BTBD1: variants seen among roughly 807,000 people sequenced by gnomAD.
BTBD1 encodes the protein BTB domain containing 1.
A neutral mutation model predicts 48.0 loss-of-function variants in BTBD1; 34 were observed. The ratio of observed to expected loss-of-function variants is 0.71; its 90% CI spans 0.54 to 0.94. The LOEUF (loss-of-function observed/expected upper bound fraction) is 0.94. BTBD1 is among the 40% of genes least tolerant of loss of function. The probability of loss-of-function intolerance (pLI) is 0.00; values close to 1 mark genes in which losing one functional copy is unlikely to be tolerated. For synonymous variants in BTBD1, 261 were observed against 242.1 expected, an observed-to-expected ratio of 1.08 and a Z score of -0.72; for missense variants, 543 against 625.6, an observed-to-expected ratio of 0.87 and a Z score of 1.41.
intron 3 of BTBD1, among the ~76,000 whole-genome samples, chr15:83,046,279 A>C (rs190846413): frequency 6.6e-6 from 1 of 152,344 alleles, no homozygotes; most frequent in East Asian, 1.9e-4. Flanking sequence ...AATGTTTTTT[A>C]ATTAATTACC....
intron 2 of BTBD1, among the ~76,000 whole-genome samples, chr15:83,055,521 T>C (rs2033068271): frequency 6.6e-6 from 1 of 152,214 alleles, no homozygotes; most frequent in Non-Finnish European, 1.5e-5. Context: ...CCTCCCAAAG[T>C]GCTGGGATTA....
intron 1 of BTBD1, among the ~76,000 whole-genome samples, chr15:83,066,219 A>G (rs1245197408): frequency 2.0e-5 from 3 of 152,030 alleles, no homozygotes; most frequent in African/African-American, 7.3e-5. Context: ...GCATCACCTG[A>G]GCCCGGAGAG....
intron 5 of BTBD1, among the ~76,000 whole-genome samples, chr15:83,026,237 C>T (rs1430808170): frequency 1.3e-5 from 2 of 152,028 alleles, no homozygotes; most frequent in African/African-American, 4.8e-5. Flanking sequence ...TTTATTGGTT[C>T]TAGTAGTTTT....
intron 4 of BTBD1, among the ~76,000 whole-genome samples, chr15:83,035,442 A>G (rs1567106087): frequency 6.6e-6 from 1 of 152,208 alleles, no homozygotes; most frequent in Non-Finnish European, 1.5e-5. Context: ...CAAGAGCAAG[A>G]TAAGAAGAAA....
At chr15:83,045,161 T>C (rs138783887) in intron 3 of BTBD1, among the ~76,000 whole-genome samples, 2 of 152,348 alleles carry the variant, frequency 1.3e-5, no homozygotes, top group Admixed American at 1.3e-4. Context: ...ATGATTACAT[T>C]ATCCATAAAT....
chr15:83,038,099 A>G (rs1490614412), intron 4 of BTBD1, among the ~76,000 whole-genome samples: 3 of 152,132 alleles, frequency 2.0e-5, no homozygotes, highest in Non-Finnish European at 2.9e-5. Context: ...AAAATAAAAA[A>G]AGTTCCACCA....
At chr15:83,032,969 C>CA (rs56152195) in intron 4 of BTBD1, among the ~76,000 whole-genome samples, 21,675 of 86,834 alleles carry the variant, frequency 0.25, 3,279 homozygotes, top group East Asian at 0.6. Context: ...TACTCTGTCT[C>CA]AAAAAAAAAA....
intron 1 of BTBD1, among the ~76,000 whole-genome samples, chr15:83,065,929 C>G (rs1042234163): frequency 6.6e-6 from 1 of 152,178 alleles, no homozygotes. Flanking sequence ...GGTAAAGCCT[C>G]ACTTGTCTGT....
At chr15:83,049,951 T>G in intron 3 of BTBD1, 122 bp downstream of exon 3, 2 of 583,220 alleles carry the variant, frequency 3.4e-6, no homozygotes, top group South Asian at 5.4e-5. Flanking sequence ...GCAAAACTCT[T>G]AGAGAGACTT....
rs939921676 is a variant in BTBD1 at position 83,050,131 on chromosome 15, T to C, written c.606A>G (p.Thr202=). ...EPQLASLCLD[T]IDKSTMDAIS... is the part of the protein sequence containing the mutation. ...TTGCATCCATTGTGCTTTTGTCTAT[T>C]GTATCTAGACAAAGACTAGCAAGCT... Residue 202 remains threonine, a synonymous_variant, in exon 3 of 8, where the codon ACA becomes ACG. Coordinates refer to ENST00000261721, the MANE Select transcript of BTBD1 (RefSeq NM_025238.4). The C allele has an allele frequency of 2.5e-6, 4 of 1,613,270 alleles. No individual in the cohort carries two copies. Among genetic ancestry groups the C allele is most frequent in the Admixed American group, 1.7e-5 (1 of 60,004 alleles).
intron 2 of BTBD1, among the ~76,000 whole-genome samples, chr15:83,054,699 C>A (rs2033051792): frequency 6.6e-6 from 1 of 151,626 alleles, no homozygotes; most frequent in East Asian, 1.9e-4. Flanking sequence ...GTAGCTGGGA[C>A]TACAGGCACG....
intron 3 of BTBD1, 40 bp downstream of exon 3, chr15:83,050,033 T>C (rs746552078): frequency 3.9e-6 from 5 of 1,276,352 alleles, no homozygotes; most frequent in Non-Finnish European, 5.7e-6. Flanking sequence ...AGGCATTAAC[T>C]GTACTTAAAA....
chr15:83,057,893 G>A (rs149433801), intron 1 of BTBD1, among the ~76,000 whole-genome samples: 1 of 152,360 alleles, frequency 6.6e-6, no homozygotes, highest in East Asian at 1.9e-4. Flanking sequence ...CTGTGTATGT[G>A]GGAGGCTTGC....
intron 5 of BTBD1, among the ~76,000 whole-genome samples, chr15:83,025,701 T>C (rs907277835): frequency 6.6e-6 from 1 of 152,142 alleles, no homozygotes; most frequent in African/African-American, 2.4e-5. Flanking sequence ...TTTAATGATA[T>C]TTACTCAATT....
chr15:83,066,468 CG>C (rs1048685717), intron 1 of BTBD1, among the ~76,000 whole-genome samples: 2 of 152,168 alleles, frequency 1.3e-5, no homozygotes, highest in Non-Finnish European at 2.9e-5. Context: ...GAAGTCTGAG[CG>C]ACAATCCATA....
intron 2 of BTBD1, among the ~76,000 whole-genome samples, chr15:83,052,043 A>T (rs895887238): frequency 1.3e-5 from 2 of 151,450 alleles, no homozygotes; most frequent in African/African-American, 2.4e-5. Flanking sequence ...TGCAACCTCT[A>T]CCTCCCAGGT....
At chr15:83,046,758 G>A (rs926205279) in intron 3 of BTBD1, among the ~76,000 whole-genome samples, 2 of 152,160 alleles carry the variant, frequency 1.3e-5, no homozygotes, top group Admixed American at 6.6e-5. Flanking sequence ...GACACCACAT[G>A]CAGGTGCTGG....
chr15:83,049,770 T>A (rs2032943818), intron 3 of BTBD1, among the ~76,000 whole-genome samples: 1 of 152,200 alleles, frequency 6.6e-6, no homozygotes, highest in Non-Finnish European at 1.5e-5. Context: ...CAATTAGACG[T>A]TTCCTTAACA....
intron 3 of BTBD1, among the ~76,000 whole-genome samples, chr15:83,043,385 G>T (rs140923642): frequency 6.6e-6 from 1 of 152,140 alleles, no homozygotes. Context: ...AGGCTGTGGG[G>T]AGAGGGGGCA....
Sources: gnomAD v4.1 joint callset for allele counts (sites outside exome capture counted in the v4.1 genomes callset) on GRCh38, gnomAD v4.1.1 for gene constraint, MANE v1.5 for transcripts, NCBI Gene and HGNC (gene_info 2026-07-23, HGNC 2026-07-21) for gene names.